Variants in PDE4D observed in about 807,000 individuals in gnomAD.
The protein encoded by PDE4D is phosphodiesterase 4D.
In PDE4D, 24 loss-of-function variants were observed where a neutral mutation model predicts 87.4. The observed-to-expected ratio is 0.27, with a 90% confidence interval of 0.20 to 0.39. The LOEUF is 0.39. Ranked by LOEUF, PDE4D falls within the 10% of genes least tolerant of loss-of-function variation. The pLI, the probability that PDE4D is intolerant of heterozygous loss-of-function variation, is 1.00. For missense variants in PDE4D, 714 were observed against 1,041.0 expected, an observed-to-expected ratio of 0.69 and a Z score of 4.32; for synonymous variants, 384 against 383.2, an observed-to-expected ratio of 1.00 and a Z score of -0.02.
intron 5 of PDE4D, among the ~76,000 whole-genome samples, chr5:59,129,764 G>A (rs1230785235): frequency 1.3e-5 from 2 of 152,098 alleles, no homozygotes; most frequent in African/African-American, 4.8e-5. Context: ...GCAGATGCTG[G>A]TTTTAGAGTC....
chr5:60,257,222 G>GAGAAAGAA lies in PDE4D; in HGVS notation c.-89-71543_-89-71536dup, dbSNP rs142753730. Reference sequence around the variant, plus strand: ...AGAAAGAATGAATGAAAGAAAGAAAGAGAAAGAAAGAAAGAAAGAAAGAAA... The same window carrying GAGAAAGAA: ...AGAAAGAATGAATGAAAGAAAGAAAGAGAAAGAAAGAAAGAAAGAAAGAAAGAAAGAAA... On this transcript the variant is annotated intron_variant, in intron 1 of 16. Transcript: ENST00000502484. 3.9e-3 allele frequency among the ~76,000 whole-genome samples: 556 copies of GAGAAAGAA among 143,232 alleles called. 1 individual carries two copies. Among genetic ancestry groups the GAGAAAGAA allele is most frequent in the East Asian group, 0.016 (76 of 4,684 alleles). 94.0% of individuals were successfully genotyped at this position (143,232 alleles called of 152,430 possible).
intron 1 of PDE4D, among the ~76,000 whole-genome samples, chr5:59,510,625 G>T (rs1318094164): frequency 6.6e-6 from 1 of 151,610 alleles, no homozygotes; most frequent in Non-Finnish European, 1.5e-5. Flanking sequence ...GACAGACATA[G>T]ATAAAAAATA....
upstream of PDE4D, among the ~76,000 whole-genome samples, chr5:59,897,593 C>T (rs1263565108): frequency 1.3e-5 from 2 of 152,032 alleles, no homozygotes; most frequent in Non-Finnish European, 2.9e-5. Context: ...TAATGCTATC[C>T]CTCCTCCAGC....
intron 2 of PDE4D, among the ~76,000 whole-genome samples, chr5:60,048,883 T>C (rs1769696781): frequency 6.6e-6 from 1 of 152,184 alleles, no homozygotes; most frequent in Non-Finnish European, 1.5e-5. Flanking sequence ...TTTGGCATTC[T>C]CTGTATTTCC....
At chr5:59,457,383 G>C (rs1374736636) in intron 1 of PDE4D, among the ~76,000 whole-genome samples, 1 of 152,210 alleles carries the variant, frequency 6.6e-6, no homozygotes, top group African/African-American at 2.4e-5. Context: ...TTGTCTTCTA[G>C]ACATGCTATT....
At chr5:59,287,010 A>G (rs1767078274) in intron 1 of PDE4D, among the ~76,000 whole-genome samples, 1 of 152,062 alleles carries the variant, frequency 6.6e-6, no homozygotes, top group East Asian at 1.9e-4. Flanking sequence ...AAATTGAACA[A>G]CTCTCCACAC....
At chr5:59,229,020 CAAAA>C (rs1280645600) in intron 1 of PDE4D, among the ~76,000 whole-genome samples, 1 of 150,240 alleles carries the variant, frequency 6.7e-6, no homozygotes, top group Non-Finnish European at 1.5e-5. Flanking sequence ...AACAAACAAA[CAAAA>C]AACCTTCCTT....
intron 1 of PDE4D, among the ~76,000 whole-genome samples, chr5:60,229,523 T>G (rs1003959886): frequency 1.3e-5 from 2 of 152,142 alleles, no homozygotes; most frequent in African/African-American, 4.8e-5. Flanking sequence ...GTTTTCAGAA[T>G]ATTTCAGAGA....
intron 1 of PDE4D, among the ~76,000 whole-genome samples, chr5:59,692,763 A>G (rs772501834): frequency 8.5e-5 from 13 of 152,148 alleles, no homozygotes; most frequent in Non-Finnish European, 1.3e-4. Flanking sequence ...TTCTGGCATC[A>G]TGGAAATGAT....
intron 1 of PDE4D, among the ~76,000 whole-genome samples, chr5:60,304,633 C>A (rs1639794542): frequency 8.9e-6 from 1 of 111,940 alleles, no homozygotes; most frequent in Non-Finnish European, 1.6e-5. Flanking sequence ...GCCTGGGCGA[C>A]AGAGCGAGAC....
Position 60,381,351 on chromosome 5 carries a change from A to C in PDE4D, c.-90+106591T>G, listed in dbSNP as rs535221076. Among the ~76,000 whole-genome samples, 51 of 152,244 alleles carry C rather than the reference A, an allele frequency of 3.3e-4. 1 individual carries two copies. Among genetic ancestry groups the C allele is most frequent in the South Asian group, 2.3e-3 (11 of 4,826 alleles). On this transcript the variant is annotated intron_variant, in intron 1 of 16. Coordinates refer to the PDE4D transcript ENST00000502484. ...AAGTGCATCTGTGCAATTCTACTGG[A>C]AAAAAACTTTTAGAAGCTTGCACCT...
chr5:59,522,767 T>G (rs1480760043), intron 1 of PDE4D, among the ~76,000 whole-genome samples: 2 of 152,196 alleles, frequency 1.3e-5, no homozygotes, highest in African/African-American at 4.8e-5. Context: ...GAGAGCTTCC[T>G]CAATTTTCAG....
chr5:59,339,867 T>C (rs1204391609), intron 1 of PDE4D, among the ~76,000 whole-genome samples: 1 of 152,152 alleles, frequency 6.6e-6, no homozygotes, highest in African/African-American at 2.4e-5. Context: ...ACAAATCCCC[T>C]AATTCACTAA....
At chr5:59,634,435 T>C (rs962450049) in intron 1 of PDE4D, among the ~76,000 whole-genome samples, 21 of 152,300 alleles carry the variant, frequency 1.4e-4, no homozygotes, top group Admixed American at 6.5e-4. Flanking sequence ...GAATATACAT[T>C]CTTCTCAGCA....
At chr5:59,132,976 T>G (rs770403652) in intron 5 of PDE4D, among the ~76,000 whole-genome samples, 24 of 152,194 alleles carry the variant, frequency 1.6e-4, no homozygotes, top group Non-Finnish European at 3.1e-4. Context: ...TTATGACCAG[T>G]GTATGTCAAA....
At chr5:60,396,387 T>C (rs1762884524) in intron 1 of PDE4D, among the ~76,000 whole-genome samples, 1 of 152,224 alleles carries the variant, frequency 6.6e-6, no homozygotes, top group Non-Finnish European at 1.5e-5. Context: ...TTCTTTGGCT[T>C]CTTCCCTTAT....
At chr5:60,296,903 G>A (rs1753447731) in intron 1 of PDE4D, among the ~76,000 whole-genome samples, 1 of 152,050 alleles carries the variant, frequency 6.6e-6, no homozygotes, top group Non-Finnish European at 1.5e-5. Flanking sequence ...AGAACATATG[G>A]GCACAGGGAG....
intron 1 of PDE4D, among the ~76,000 whole-genome samples, chr5:59,342,777 C>A (rs2153582544): frequency 6.6e-6 from 1 of 151,698 alleles, no homozygotes; most frequent in Admixed American, 6.6e-5. Context: ...CATTTTCACA[C>A]CCCTCCTCTT....
intron 1 of PDE4D, among the ~76,000 whole-genome samples, chr5:59,542,437 T>A (rs373586593): frequency 3.3e-5 from 5 of 152,182 alleles, no homozygotes; most frequent in African/African-American, 1.2e-4. Flanking sequence ...TGAATTCTCA[T>A]ATGCTGTGAG....
Sources: allele counts gnomAD v4.1 joint callset (sites outside exome capture counted in the v4.1 genomes callset), GRCh38; gene constraint gnomAD v4.1.1; transcripts MANE v1.5; gene names NCBI Gene and HGNC (gene_info 2026-07-23, HGNC 2026-07-21).